Variants in MAPK8IP3 observed in about 807,000 individuals in gnomAD.
MAPK8IP3 encodes the protein mitogen-activated protein kinase 8 interacting protein 3.
In MAPK8IP3, 49 loss-of-function variants were observed where a neutral mutation model predicts 157.8. That is an observed-to-expected ratio of 0.31 (90% CI 0.25 to 0.39). MAPK8IP3 has a LOEUF of 0.39. MAPK8IP3 is among the 10% of genes least tolerant of loss of function. The pLI, the probability that MAPK8IP3 is intolerant of heterozygous loss-of-function variation, is 1.00. For synonymous variants in MAPK8IP3, 897 were observed against 777.7 expected (o/e 1.15, Z -2.55); for missense variants, 1,478 against 1,889.4 (o/e 0.78, Z 4.04).
intron 7 of MAPK8IP3, 116 bp from the exon 8 acceptor site, chr16:1,748,486 A>G: frequency 8.7e-7 from 1 of 1,144,732 alleles, no homozygotes; most frequent in Non-Finnish European, 1.3e-6. Flanking sequence ...ACCGGCCTGC[A>G]GGGCAGTGTG....
At chr16:1,736,960 C>G (rs1161073112) in intron 4 of MAPK8IP3, among the ~76,000 whole-genome samples, 9 of 42,710 alleles carry the variant, frequency 2.1e-4, no homozygotes, top group Admixed American at 8.2e-4. Context: ...GAGCGTGTGA[C>G]CGTCCGTGTG....
At chr16:1,716,752 A>C (rs2038176458) in intron 1 of MAPK8IP3, among the ~76,000 whole-genome samples, 1 of 152,048 alleles carries the variant, frequency 6.6e-6, no homozygotes, top group South Asian at 2.1e-4. Flanking sequence ...CGTATCTACC[A>C]AAAATACAAA....
Position 1,767,226 on chromosome 16 carries a change from G to A in MAPK8IP3, c.3166G>A (p.Val1056Met). ...CCACTCCATCCGCTGCATGGCTGTT[G>A]TGTACGACCGCGTGTGGTGTGGCTA... ...PHHSIRCMAV[V>M]YDRVWCGYKN... Residue 1056 changes from valine (V) to methionine (M), a missense_variant, in exon 26 of 32, where the codon GTG becomes ATG. Around this residue, in one of 11 missense-constraint regions of MAPK8IP3, gnomAD observed 669 missense variants for 759.8 expected, o/e 0.88. Coordinates refer to ENST00000610761, the MANE Select transcript of MAPK8IP3 (RefSeq NM_001318852.2). 6.2e-7 allele frequency: 1 copy of A among 1,613,482 alleles called. No individual in the cohort carries two copies. Among genetic ancestry groups the A allele is most frequent in the Non-Finnish European group, 8.5e-7 (1 of 1,180,020 alleles).
intron 4 of MAPK8IP3, among the ~76,000 whole-genome samples, chr16:1,739,885 ACCGT>A (rs1363357082): frequency 3.5e-5 from 3 of 86,480 alleles, no homozygotes; most frequent in African/African-American, 4.8e-5. Flanking sequence ...CATCCGTGTG[ACCGT>A]CCGTGTGAGC....
At chr16:1,747,659 G>A (rs1456750504) in intron 6 of MAPK8IP3, among the ~76,000 whole-genome samples, 1 of 152,188 alleles carries the variant, frequency 6.6e-6, no homozygotes, top group Non-Finnish European at 1.5e-5. Context: ...ATATGGATTT[G>A]GGGAGACACA....
Position 1,767,831 on chromosome 16 carries a change from G to A in MAPK8IP3, c.3436G>A (p.Val1146Ile), listed in dbSNP as rs368423731. ...CACTGGCAAGCTGGGTTTCTCCTTC[G>A]TACGCATCACGGCCCTGCTTGTCGC... ...LGTGKLGFSF[V>I]RITALLVAGS... The change falls in exon 28 of 32, where the codon GTA becomes ATA. Residue 1146 changes from valine (V) to isoleucine (I), a missense_variant. By Grantham distance (29) the Val-to-Ile change is conservative. This residue lies in a region of MAPK8IP3 where 68 missense variants were observed against 125.1 expected (regional missense o/e 0.54). Transcript: ENST00000610761. 5.6e-6 allele frequency: 9 copies of A among 1,611,236 alleles called. No individual in the cohort carries two copies. Among genetic ancestry groups the A allele is most frequent in the Admixed American group, 1.7e-5 (1 of 60,010 alleles).
chr16:1,723,367 A>G (rs540510286), intron 1 of MAPK8IP3, among the ~76,000 whole-genome samples: 4 of 152,004 alleles, frequency 2.6e-5, no homozygotes, highest in Non-Finnish European at 5.9e-5. Context: ...TTTAGTAGAA[A>G]CAGGGTTTTA....
At chr16:1,737,413 CGTGTGAGCGTCCGTGTGAGT>C (rs2040053264) in intron 4 of MAPK8IP3, among the ~76,000 whole-genome samples, 1 of 94,904 alleles carries the variant, frequency 1.1e-5, no homozygotes, top group East Asian at 4.3e-4. Flanking sequence ...TGTGACCGTC[CGTGTGAGCGTCCGTGTGAGT>C]GTGTGAGCGT....
At chr16:1,757,977 G>A (rs980932110) in intron 8 of MAPK8IP3, among the ~76,000 whole-genome samples, 171 bp from the exon 9 acceptor site, 14 of 152,258 alleles carry the variant, frequency 9.2e-5, no homozygotes, top group African/African-American at 1.9e-4. Flanking sequence ...CTGGGCACAC[G>A]GGGCACCGGG....
At chr16:1,760,084 C>T (rs536424184) in intron 11 of MAPK8IP3, 69 bp downstream of exon 11, 15 of 1,572,706 alleles carry the variant, frequency 9.5e-6, no homozygotes, top group Middle Eastern at 1.7e-4. Context: ...GAGAGTGAGC[C>T]GGGCCAGAGG....
At position 1,765,888 on chromosome 16, in the gene MAPK8IP3, G is replaced by A. The variant is rs551419575; in HGVS notation, c.2447-72G>A. 340 of 1,401,858 alleles carry A rather than the reference G, an allele frequency of 2.4e-4. 1 individual carries two copies. The highest frequency in any genetic ancestry group is 2.4e-3 in the African/African-American group (171 of 71,514). The allele number at this position is 1,401,858 out of a possible 1,614,324, so 86.8% of individuals were successfully genotyped here. ...GCCAGCCCCGGCTTCCTCTGCCCCT[G>A]TGTAAGTGCTGGGCACGCCCTTGCA... On this transcript the variant is annotated intron_variant, in intron 20 of 31. Transcript: ENST00000610761.
chr16:1,753,054 T>C (rs943780926), intron 8 of MAPK8IP3, among the ~76,000 whole-genome samples: 1 of 152,212 alleles, frequency 6.6e-6, no homozygotes, highest in Non-Finnish European at 1.5e-5. Flanking sequence ...AAGAGCATCA[T>C]TTCAGAAACA....
At chr16:1,721,307 C>CAA (rs59666950) in intron 1 of MAPK8IP3, among the ~76,000 whole-genome samples, 61 of 70,660 alleles carry the variant, frequency 8.6e-4, no homozygotes, top group African/African-American at 1.6e-3. Context: ...CACTCTATCT[C>CAA]AAAAAAAAAA....
chr16:1,719,057 A>G (rs1288648966), intron 1 of MAPK8IP3, among the ~76,000 whole-genome samples: 1 of 152,200 alleles, frequency 6.6e-6, no homozygotes, highest in African/African-American at 2.4e-5. Flanking sequence ...TGGATAACAG[A>G]GCAAGACCCC....
In MAPK8IP3 at chr16:1,724,703, G is replaced by A; in HGVS notation, c.439+26G>A. 1 of 1,605,106 alleles carries A rather than the reference G, an allele frequency of 6.2e-7. No homozygotes were observed. The highest frequency in any genetic ancestry group is 2.2e-5 in the East Asian group (1 of 44,688). On this transcript the variant is annotated intron_variant, in intron 2 of 31. Transcript: ENST00000610761. The surrounding 1 kb of genome is among the most constrained non-coding windows in gnomAD (Gnocchi z 4.1). ...GTAAGTGGCTGGCGGGAGCCTGGAGGCGCGCTTGATGGGCGCTGCTCTGGG... is the reference window on the plus strand; with the variant it reads ...GTAAGTGGCTGGCGGGAGCCTGGAGACGCGCTTGATGGGCGCTGCTCTGGG...
chr16:1,753,907 CT>C (rs1381372812), intron 8 of MAPK8IP3, among the ~76,000 whole-genome samples: 1 of 151,718 alleles, frequency 6.6e-6, no homozygotes, highest in Non-Finnish European at 1.5e-5. Flanking sequence ...GGCACAGTGG[CT>C]CACGCCTATA....
At chr16:1,722,509 C>T (rs1369853555) in intron 1 of MAPK8IP3, among the ~76,000 whole-genome samples, 1 of 152,110 alleles carries the variant, frequency 6.6e-6, no homozygotes, top group Non-Finnish European at 1.5e-5. Flanking sequence ...TTCCAGATCC[C>T]AAAAGATGAA....
At chr16:1,761,145 G>A (rs894691228) in intron 12 of MAPK8IP3, 79 bp from the exon 13 acceptor site, 6 of 1,133,670 alleles carry the variant, frequency 5.3e-6, no homozygotes, top group South Asian at 1.2e-5. Context: ...ACACAGGTTC[G>A]GGGCGGGCAC....
At chr16:1,759,885 C>G in intron 10 of MAPK8IP3, 73 bp from the exon 11 acceptor site, 1 of 1,356,370 alleles carries the variant, frequency 7.4e-7, no homozygotes, top group Non-Finnish European at 1.1e-6. Flanking sequence ...CGTTGTTGCC[C>G]TGAGGCAGGT....
Sources: gnomAD v4.1 joint callset for allele counts (sites outside exome capture counted in the v4.1 genomes callset) on GRCh38, gnomAD v4.1.1 for gene constraint, gnomAD v4.1.1 regional missense constraint, Gnocchi (gnomAD v3.1) non-coding constraint, MANE v1.5 for transcripts, NCBI Gene and HGNC (gene_info 2026-07-23, HGNC 2026-07-21) for gene names.